The following TEX2 variants were observed in gnomAD, a reference collection of about 807,000 sequenced individuals.
The protein encoded by TEX2 is testis-expressed protein 2.
In TEX2, 53 loss-of-function variants were observed where a neutral mutation model predicts 106.9. That is an observed-to-expected ratio of 0.50 (90% CI 0.40 to 0.62). The LOEUF is 0.62. Ranked by LOEUF, TEX2 falls within the 20% of genes least tolerant of loss-of-function variation. TEX2 has a pLI of 0.00. For missense variants in TEX2, 1,207 were observed against 1,379.0 expected, an observed-to-expected ratio of 0.88 and a Z score of 1.98; for synonymous variants, 523 against 534.8, an observed-to-expected ratio of 0.98 and a Z score of 0.30.
chr17:64,202,380 C>G (rs1009315039), intron 2 of TEX2, among the ~76,000 whole-genome samples: 3 of 152,172 alleles, frequency 2.0e-5, no homozygotes, highest in Non-Finnish European at 4.4e-5. Flanking sequence ...TTCCTCCAAG[C>G]CTCCCTAATT....
At chr17:64,183,535 T>C (rs2031961536) in intron 5 of TEX2, among the ~76,000 whole-genome samples, 1 of 152,188 alleles carries the variant, frequency 6.6e-6, no homozygotes, top group Admixed American at 6.5e-5. Flanking sequence ...CAAGTGATTC[T>C]CGTGCCTCAG....
chr17:64,154,886 T>C lies in TEX2; in HGVS notation c.2886A>G (p.Pro962=). ...SAGSSEEDDA[P]EPSGGDKQLL... is the part of the protein sequence containing the mutation. ...GCTGTTTGTCTCCCCCGCTGGGCTC[T>C]GGGGCATCGTCTTCCTCGGAGGAGC... The change falls in exon 9 of 12, where the codon CCA becomes CCG. Residue 962 remains proline, a synonymous_variant. Coordinates refer to ENST00000584379, the MANE Select transcript of TEX2 (RefSeq NM_001288732.2). 1 of 1,609,256 alleles carries C rather than the reference T, an allele frequency of 6.2e-7. No homozygotes were observed. The highest frequency in any genetic ancestry group is 8.5e-7 in the Non-Finnish European group (1 of 1,178,394).
chr17:64,175,000 AGG>A (rs2031563339), intron 6 of TEX2, among the ~76,000 whole-genome samples: 1 of 152,228 alleles, frequency 6.6e-6, no homozygotes, highest in Non-Finnish European at 1.5e-5. Context: ...CCAGGGGATC[AGG>A]GAGATCTGTG....
rs1405425338 is a variant in TEX2 at position 64,148,358 on chromosome 17, C to T, written c.*611G>A. The T allele has an allele frequency of 1.3e-5, 2 of 152,738 alleles. No homozygotes were observed. Among genetic ancestry groups the T allele is most frequent in the Non-Finnish European group, 2.9e-5 (2 of 68,108 alleles). 9.5% of individuals were successfully genotyped at this position (152,738 alleles called of 1,614,324 possible). A position where few individuals can be genotyped will look rare whatever the true frequency, so the allele number is the denominator to read the frequency against. On this transcript the variant is annotated 3_prime_UTR_variant, in exon 12 of 12. Coordinates refer to ENST00000584379, the MANE Select transcript of TEX2 (RefSeq NM_001288732.2). ...TTGCCTGATGTTCACATAAATCCCA[C>T]TGTCCTTACCCAAGCTGATAGCGTG...
Position 64,212,844 on chromosome 17 carries a change from ACT to A in TEX2, c.1372_1373del (p.Ser458Ter). On this transcript the variant is annotated frameshift_variant, in exon 2 of 12. Coordinates refer to ENST00000584379, the MANE Select transcript of TEX2 (RefSeq NM_001288732.2). LOFTEE classifies it high-confidence loss of function. ...VLAEDGVVLD[S>X]EDEVDSAVQH... is the part of the protein sequence containing the mutation. ...GCACGGCCGAGTCCACCTCGTCCTC[ACT>A]GTCAAGGACCACACCATCTTCCGCG... is the stretch of plus-strand genomic sequence containing the variant. The A allele has an allele frequency of 6.2e-7, 1 of 1,614,074 alleles. No individual in the cohort carries two copies. The highest frequency in any genetic ancestry group is 8.5e-7 in the Non-Finnish European group (1 of 1,180,034).
intron 1 of TEX2, among the ~76,000 whole-genome samples, chr17:64,216,120 G>A (rs2033178524): frequency 6.6e-6 from 1 of 152,184 alleles, no homozygotes; most frequent in African/African-American, 2.4e-5. Flanking sequence ...TCCAGGAAAA[G>A]GGAATGATCT....
chr17:64,254,405 T>C (rs1373894482), intron 1 of TEX2, among the ~76,000 whole-genome samples: 2 of 152,202 alleles, frequency 1.3e-5, no homozygotes, highest in Non-Finnish European at 2.9e-5. Flanking sequence ...GGAATGGTGG[T>C]TTAATAAACC....
At chr17:64,200,163 T>A (rs1555629919) in intron 2 of TEX2, among the ~76,000 whole-genome samples, 1 of 152,302 alleles carries the variant, frequency 6.6e-6, no homozygotes, top group East Asian at 1.9e-4. Context: ...AAAATTAAGA[T>A]AATTAATAGA....
chr17:64,181,048 T>C (rs954355393), intron 5 of TEX2, among the ~76,000 whole-genome samples: 2 of 152,222 alleles, frequency 1.3e-5, no homozygotes, highest in African/African-American at 4.8e-5. Flanking sequence ...AAACAATGCA[T>C]ATTCACTGCA....
At chr17:64,196,981 G>GTTTTTTTTTTTT (rs2032490681) in intron 2 of TEX2, among the ~76,000 whole-genome samples, 1 of 41,730 alleles carries the variant, frequency 2.4e-5, no homozygotes, top group Non-Finnish European at 6.1e-5. Context: ...GTCAAATCAA[G>GTTTTTTTTTTTT]ATTTTTTTTT....
At position 64,193,815 on chromosome 17, in the gene TEX2, A is replaced by T. The variant is rs752197855; in HGVS notation, c.1920T>A (p.Gly640=). 8.1e-6 allele frequency: 13 copies of T among 1,606,032 alleles called. No homozygotes were observed. Among genetic ancestry groups the T allele is most frequent in the Non-Finnish European group, 1.1e-5 (13 of 1,174,660 alleles). The change falls in exon 4 of 12, where the codon GGT becomes GGA. Residue 640 remains glycine (G), a synonymous_variant. Coordinates refer to ENST00000584379, the MANE Select transcript of TEX2 (RefSeq NM_001288732.2). The part of the protein sequence containing the change: ...NKKYPICIEL[G]QQDDFMSKAQ... ...CTTTAGACATAAAGTCATCTTGCTGACCAAGCTCGATACAAATGGGGTACT... is the reference window on the plus strand; with the variant it reads ...CTTTAGACATAAAGTCATCTTGCTGTCCAAGCTCGATACAAATGGGGTACT...
At chr17:64,151,713 T>G (rs2030365583) in intron 10 of TEX2, among the ~76,000 whole-genome samples, 1 of 152,240 alleles carries the variant, frequency 6.6e-6, no homozygotes, top group African/African-American at 2.4e-5. Context: ...TGAGCATGCC[T>G]TGGGTAGCAC....
intron 2 of TEX2, among the ~76,000 whole-genome samples, chr17:64,210,282 T>C (rs2032956655): frequency 6.6e-6 from 1 of 152,110 alleles, no homozygotes; most frequent in Non-Finnish European, 1.5e-5. Flanking sequence ...CAACACAGCT[T>C]CTCTTAAAGA....
At chr17:64,194,773 C>T (rs1281309890) in intron 3 of TEX2, 122 bp downstream of exon 3, 3 of 844,104 alleles carry the variant, frequency 3.6e-6, no homozygotes, top group Non-Finnish European at 5.8e-6. Context: ...GTACTGTCCC[C>T]TAAGGTATAC....
At chr17:64,170,429 C>G (rs1236140755) in intron 7 of TEX2, among the ~76,000 whole-genome samples, 2 of 152,110 alleles carry the variant, frequency 1.3e-5, no homozygotes, top group Non-Finnish European at 2.9e-5. Context: ...GCTGGGGCAG[C>G]TGCACCCGTG....
chr17:64,229,019 A>G (rs1363588426), intron 1 of TEX2, among the ~76,000 whole-genome samples: 2 of 151,256 alleles, frequency 1.3e-5, no homozygotes, highest in African/African-American at 4.9e-5. Flanking sequence ...TCATTTTTTT[A>G]TTTGATAGAA....
chr17:64,189,932 C>A (rs776948580), intron 4 of TEX2, among the ~76,000 whole-genome samples: 1 of 151,244 alleles, frequency 6.6e-6, no homozygotes, highest in Non-Finnish European at 1.5e-5. Context: ...TTGCAGTGAG[C>A]CAAGATCATA....
chr17:64,200,430 G>A (rs1555629952), intron 2 of TEX2, among the ~76,000 whole-genome samples: 1 of 152,142 alleles, frequency 6.6e-6, no homozygotes, highest in Non-Finnish European at 1.5e-5. Flanking sequence ...ACAAAGCCAG[G>A]CATTCAACCC....
rs1555632028 is a variant in TEX2, at chr17:64,213,401, C to G, written c.817G>C (p.Asp273His). ...GGCACTTTAAAAAAGGAACGAGTAT[C>G]AGAGGGAGAAGTCAGTGGGGAAGAA... ...APSSPLTSPS[D>H]TRSFFKVPEM... The change falls in exon 2 of 12, where the codon GAT becomes CAT. Residue 273 changes from aspartate (D) to histidine (H), a missense_variant. By Grantham distance (81) the Asp-to-His change is moderately conservative (BLOSUM62 -1). Around this residue, in one of 3 missense-constraint regions of TEX2, gnomAD observed 1,067 missense variants for 1,193.6 expected, o/e 0.89. Transcript: ENST00000584379. The surrounding 1 kb of genome is among the most constrained non-coding windows in gnomAD (Gnocchi z 4.4). 6.2e-7 allele frequency: 1 copy of G among 1,614,044 alleles called. No homozygotes were observed. Among genetic ancestry groups the G allele is most frequent in the Admixed American group, 1.7e-5 (1 of 60,026 alleles).
Sources: gnomAD v4.1 joint callset for allele counts (sites outside exome capture counted in the v4.1 genomes callset) on GRCh38, gnomAD v4.1.1 for gene constraint, gnomAD v4.1.1 regional missense constraint, Gnocchi (gnomAD v3.1) non-coding constraint, MANE v1.5 for transcripts, NCBI Gene and HGNC (gene_info 2026-07-23, HGNC 2026-07-21) for gene names.